CSF2RA: variants seen among roughly 807,000 people sequenced by gnomAD.
The protein encoded by CSF2RA is colony stimulating factor 2 receptor subunit alpha, also known as granulocyte-macrophage colony-stimulating factor receptor subunit alpha.
A neutral mutation model predicts 51.6 loss-of-function variants in CSF2RA; 42 were observed. That is an observed-to-expected ratio of 0.81 (90% CI 0.64 to 1.05). CSF2RA has a LOEUF of 1.05. Ranked by LOEUF, CSF2RA falls within the 50% of genes least tolerant of loss-of-function variation. The probability of loss-of-function intolerance (pLI) is 0.00; values close to 1 mark genes in which losing one functional copy is unlikely to be tolerated. For synonymous variants in CSF2RA, 222 were observed against 193.0 expected, an observed-to-expected ratio of 1.15 and a Z score of -1.24; for missense variants, 530 against 501.1, an observed-to-expected ratio of 1.06 and a Z score of -0.55.
downstream of CSF2RA, among the ~76,000 whole-genome samples, chrX:1,314,965 CCACTGTGCCTGCCCAATCG>C (rs1184086174): frequency 1.5e-3 from 84 of 54,964 alleles, 6 homozygotes; most frequent in African/African-American, 4.5e-3. Context: ...CTGCCCAACC[CCACTGTGCCTGCCCAATCG>C]CACTGCACCT....
intron 9 of CSF2RA, among the ~76,000 whole-genome samples, chrX:1,298,837 TC>T (rs1289316010): frequency 6.6e-6 from 1 of 151,566 alleles, no homozygotes; most frequent in Non-Finnish European, 1.5e-5. Context: ...CCACCTCACC[TC>T]CCCCTAGACC....
chrX:1,288,244 G>C (rs1221808182), intron 4 of CSF2RA, among the ~76,000 whole-genome samples: 1 of 148,154 alleles, frequency 6.7e-6, no homozygotes, highest in East Asian at 2.1e-4. Context: ...CACTTTGGGA[G>C]GCCGAGGCGG....
chrX:1,285,878 G>A lies in CSF2RA; in HGVS notation c.177G>A (p.Lys59=), dbSNP rs753836406. Reference sequence around the variant, plus strand: ...GCCAAGAAAACACAACCTTCAGCAAGTGTTTCTTAACTGACAAGAAGAACA... The same window carrying A: ...GCCAAGAAAACACAACCTTCAGCAAATGTTTCTTAACTGACAAGAAGAACA... ...WDCQENTTFS[K]CFLTDKKNRV... Residue 59 remains lysine (K), a synonymous_variant, in exon 4 of 13, where the codon AAG becomes AAA. Coordinates refer to ENST00000381529, the MANE Select transcript of CSF2RA (RefSeq NM_172245.4). 1.9e-6 allele frequency: 3 copies of A among 1,613,912 alleles called. No homozygotes were observed. The highest frequency in any genetic ancestry group is 2.5e-6 in the Non-Finnish European group (3 of 1,179,854).
chrX:1,273,302 T>C (rs1396832581), intron 1 of CSF2RA, among the ~76,000 whole-genome samples: 1 of 151,684 alleles, frequency 6.6e-6, no homozygotes, highest in Non-Finnish European at 1.5e-5. Context: ...CCCCAAAATA[T>C]GTTTCTTAGT....
At chrX:1,281,045 CCTGCTCCCCTTCTCCTCCTCCTT>C (rs2089947653) in intron 2 of CSF2RA, among the ~76,000 whole-genome samples, 1 of 59,900 alleles carries the variant, frequency 1.7e-5, no homozygotes, top group Non-Finnish European at 3.8e-5. Flanking sequence ...TCATTCTCCT[CCTGCTCCCCTTCTCCTCCTCCTT>C]CTCCTCCTCC....
At chrX:1,286,220 T>C (rs1476482660) in intron 4 of CSF2RA, among the ~76,000 whole-genome samples, 12 of 150,680 alleles carry the variant, frequency 8.0e-5, no homozygotes, top group Admixed American at 4.0e-4. Flanking sequence ...TTGCAGTGAG[T>C]CGAGCTCGTG....
At chrX:1,298,676 C>G (rs2092158473) in intron 9 of CSF2RA, among the ~76,000 whole-genome samples, 1 of 25,412 alleles carries the variant, frequency 3.9e-5, no homozygotes, top group Non-Finnish European at 1.1e-4. Flanking sequence ...TACTCACGAC[C>G]CCTACACTCT....
intron 6 of CSF2RA, 139 bp from the exon 7 acceptor site, chrX:1,290,198 T>G (rs2091266342): frequency 1.4e-6 from 1 of 714,768 alleles, no homozygotes. Context: ...TGTGGGTTTT[T>G]TTTGTTTTGT....
chrX:1,315,325 T>C (rs2084529646), downstream of CSF2RA, among the ~76,000 whole-genome samples: 1 of 152,084 alleles, frequency 6.6e-6, no homozygotes, highest in Admixed American at 6.6e-5. Flanking sequence ...GATGAATAGA[T>C]GTATAGGTAA....
At position 1,294,421 on chromosome X, in the gene CSF2RA, C is replaced by T. The variant is rs1227139991; in HGVS notation, c.740C>T (p.Ser247Leu). 8.7e-6 allele frequency: 14 copies of T among 1,613,790 alleles called. No homozygotes were observed. Among genetic ancestry groups the T allele is most frequent in the Middle Eastern group, 1.6e-4 (1 of 6,066 alleles). ...WKQPRTYQKLSYLDFQYQLDV... is the reference protein window; with the variant it reads ...WKQPRTYQKLLYLDFQYQLDV... ...CAGCCCAGGACCTATCAGAAGCTGT[C>T]GTACCTGGACTTTCAGTACCAGCTG... The change falls in exon 8 of 13, where the codon TCG (serine) becomes TTG (leucine). Residue 247 changes from serine (S) to leucine (L), a missense_variant. Physicochemically the swap from Ser to Leu is moderately radical, Grantham distance 145 (BLOSUM62 -2). Transcript: ENST00000381529.
chrX:1,280,856 C>CCTCCTCCTCGTCCTCCTCCTT (rs2089833267), intron 2 of CSF2RA, among the ~76,000 whole-genome samples: 1 of 130,642 alleles, frequency 7.7e-6, no homozygotes, highest in African/African-American at 2.8e-5. Context: ...CTCTCCTTCT[C>CCTCCTCCTCGTCCTCCTCCTT]CTCCTCCTCC....
intron 3 of CSF2RA, among the ~76,000 whole-genome samples, chrX:1,284,266 T>C (rs28421170): frequency 0.14 from 16,157 of 119,002 alleles, 1,401 homozygotes; most frequent in African/African-American, 0.3. Flanking sequence ...TGCAGTGGCG[T>C]GATCTCGGCT....
chrX:1,295,694 A>T (rs1389071520), intron 9 of CSF2RA: 5 of 500,060 alleles, frequency 1.0e-5, no homozygotes, highest in Non-Finnish European at 1.8e-5. Context: ...ACAGTCCCCT[A>T]CTCACCACAC....
chrX:1,314,287 CAT>C (rs1569514740), downstream of CSF2RA, among the ~76,000 whole-genome samples: 628 of 74,362 alleles, frequency 8.4e-3, 133 homozygotes, highest in East Asian at 0.086. Flanking sequence ...AACCCCACTG[CAT>C]CTGCCCAACC....
At chrX:1,314,307 G>A (rs1467868517), downstream of CSF2RA, among the ~76,000 whole-genome samples, 14,322 of 29,876 alleles carry the variant, frequency 0.48, 4,494 homozygotes, top group East Asian at 0.65. Flanking sequence ...ACCACTCTGT[G>A]CCTGCCCAAC....
chrX:1,287,760 G>T (rs1443261894), intron 4 of CSF2RA, among the ~76,000 whole-genome samples: 1 of 122,368 alleles, frequency 8.2e-6, no homozygotes, highest in African/African-American at 3.2e-5. Flanking sequence ...TTGGGGGGAT[G>T]GAGTCTCTGT....
downstream of CSF2RA, among the ~76,000 whole-genome samples, chrX:1,314,848 AT>A (rs1569515041): frequency 4.9e-5 from 5 of 102,036 alleles, no homozygotes; most frequent in African/African-American, 1.4e-4. Flanking sequence ...CACCTGCCCA[AT>A]CCCACTGCAC....
chrX:1,309,974 T>C (rs1410235009), downstream of CSF2RA: 7 of 502,060 alleles, frequency 1.4e-5, no homozygotes, highest in African/African-American at 3.9e-5. Flanking sequence ...CTTTGGAGGA[T>C]TGCTGGAGAC....
intron 7 of CSF2RA, among the ~76,000 whole-genome samples, chrX:1,292,760 T>C (rs2091521746): frequency 1.3e-5 from 2 of 152,078 alleles, no homozygotes; most frequent in Admixed American, 1.3e-4. Context: ...CACGGAGACA[T>C]TCCATTCCCA....
Sources: gnomAD v4.1 joint callset for allele counts (sites outside exome capture counted in the v4.1 genomes callset) on GRCh38, gnomAD v4.1.1 for gene constraint, MANE v1.5 for transcripts, NCBI Gene and HGNC (gene_info 2026-07-23, HGNC 2026-07-21) for gene names.